The following SOX5 variants were observed in gnomAD, a reference collection of about 807,000 sequenced individuals.
SOX5 encodes the protein SRY-box transcription factor 5, also known as transcription factor SOX-5.
A neutral mutation model predicts 92.0 loss-of-function variants in SOX5; 9 were observed. The ratio of observed to expected loss-of-function variants is 0.10; its 90% CI spans 0.06 to 0.17. SOX5 has a LOEUF of 0.17. Among genes scored for constraint, SOX5 ranks in the 10% least tolerant of loss-of-function variants. The pLI is 1.00. For synonymous variants in SOX5, 344 were observed against 336.3 expected, an observed-to-expected ratio of 1.02 and a Z score of -0.25; for missense variants, 642 against 944.5, an observed-to-expected ratio of 0.68 and a Z score of 4.20.
intron 3 of SOX5, among the ~76,000 whole-genome samples, chr12:24,223,974 A>T (rs1300522633): frequency 1.3e-5 from 2 of 152,214 alleles, no homozygotes; most frequent in Non-Finnish European, 2.9e-5. Flanking sequence ...TAAAGAATTT[A>T]GAAGCGTTAT....
At chr12:23,575,492 T>C (rs1948973525) in intron 10 of SOX5, among the ~76,000 whole-genome samples, 169 bp downstream of exon 10, 2 of 152,218 alleles carry the variant, frequency 1.3e-5, no homozygotes, top group Admixed American at 1.3e-4. Flanking sequence ...TAGACTTTAG[T>C]GAGAAATTTC....
chr12:23,935,892 A>T (rs569287741), intron 1 of SOX5, among the ~76,000 whole-genome samples: 1 of 151,318 alleles, frequency 6.6e-6, no homozygotes, highest in East Asian at 1.9e-4. Context: ...TTCTAGATCA[A>T]TACTATAATG....
At chr12:24,389,648 A>G (rs1212439203) in intron 1 of SOX5, among the ~76,000 whole-genome samples, 1 of 152,194 alleles carries the variant, frequency 6.6e-6, no homozygotes, top group Non-Finnish European at 1.5e-5. Flanking sequence ...GGTTGTTTCA[A>G]TGTTTTGGCT....
intron 1 of SOX5, among the ~76,000 whole-genome samples, chr12:23,908,009 G>A (rs2138261265): frequency 6.6e-6 from 1 of 152,092 alleles, no homozygotes; most frequent in East Asian, 1.9e-4. Flanking sequence ...CCCCACTCTT[G>A]CTCTCTCCCT....
chr12:23,754,747 G>C (rs13377966), intron 4 of SOX5, among the ~76,000 whole-genome samples: 8,000 of 151,748 alleles, frequency 0.053, 727 homozygotes, highest in African/African-American at 0.18. Flanking sequence ...TTCTGTCATT[G>C]GGAAAACACT....
At chr12:24,495,263 A>G (rs1947509417) in intron 1 of SOX5, among the ~76,000 whole-genome samples, 2 of 152,212 alleles carry the variant, frequency 1.3e-5, no homozygotes, top group African/African-American at 4.8e-5. Context: ...TATGGACCAA[A>G]TATAAGTAAG....
intron 1 of SOX5, among the ~76,000 whole-genome samples, chr12:23,934,429 G>A (rs1274553125): frequency 6.7e-6 from 1 of 148,530 alleles, no homozygotes; most frequent in African/African-American, 2.5e-5. Flanking sequence ...GTGTATATAT[G>A]TATACACATT....
intron 6 of SOX5, among the ~76,000 whole-genome samples, chr12:23,715,152 A>T (rs2092391635): frequency 6.6e-6 from 1 of 152,056 alleles, no homozygotes; most frequent in South Asian, 2.1e-4. Context: ...GCAAAAAATT[A>T]GCCGGGTGCG....
At chr12:24,439,981 C>T (rs1940205652) in intron 1 of SOX5, among the ~76,000 whole-genome samples, 1 of 152,198 alleles carries the variant, frequency 6.6e-6, no homozygotes, top group Admixed American at 6.5e-5. Context: ...CTTGCATATA[C>T]TACCTGCTCA....
At chr12:23,838,138 T>C (rs1277382383) in intron 3 of SOX5, among the ~76,000 whole-genome samples, 1 of 141,922 alleles carries the variant, frequency 7.0e-6, no homozygotes, top group East Asian at 2.0e-4. Context: ...TATATTTATA[T>C]TACATATATT....
intron 3 of SOX5, among the ~76,000 whole-genome samples, chr12:23,774,795 T>C (rs1189232962): frequency 6.6e-6 from 1 of 152,202 alleles, no homozygotes; most frequent in African/African-American, 2.4e-5. Flanking sequence ...AGTACTGGAA[T>C]ATTAGTCAAG....
At chr12:23,949,746 C>G, upstream of SOX5, 1 of 974,444 alleles carries the variant, frequency 1.0e-6, no homozygotes, top group African/African-American at 2.4e-5. Flanking sequence ...CTCTCTCTCT[C>G]TCTCTCCCTC....
chr12:24,153,365 C>T (rs1197977872), intron 4 of SOX5, among the ~76,000 whole-genome samples: 2 of 152,126 alleles, frequency 1.3e-5, no homozygotes, highest in Admixed American at 1.3e-4. Flanking sequence ...GGCACACTTA[C>T]AGGAGGCTTG....
chr12:24,005,651 A>G (rs1592250669), intron 4 of SOX5, among the ~76,000 whole-genome samples: 1 of 152,244 alleles, frequency 6.6e-6, no homozygotes, highest in East Asian at 1.9e-4. Flanking sequence ...TTTCCTCATG[A>G]TATTTCTTTA....
intron 3 of SOX5, among the ~76,000 whole-genome samples, chr12:24,218,074 A>G (rs553261631): frequency 1.3e-5 from 2 of 152,328 alleles, no homozygotes; most frequent in South Asian, 4.1e-4. Flanking sequence ...TGCAATTCCT[A>G]GAAGTTTACA....
chr12:23,594,130 G>C (rs1000826724), intron 9 of SOX5, among the ~76,000 whole-genome samples: 1 of 151,976 alleles, frequency 6.6e-6, no homozygotes, highest in Non-Finnish European at 1.5e-5. Flanking sequence ...CACATAGGTG[G>C]TGACAGGTAC....
Position 24,323,864 on chromosome 12 carries a change from A to G in SOX5, c.-174+44699T>C, listed in dbSNP as rs551111067. Among the ~76,000 whole-genome samples the G allele has an allele frequency of 3.5e-4, 53 of 152,238 alleles. 1 individual carries two copies. The South Asian group carries it at 0.011, about 30-fold the overall frequency. ...TTTCAGATGGAGGAAGAGGCCAAAA[A>G]TTTACAAGGAGAGCTAGTGTCACTT... On this transcript the variant is annotated intron_variant, in intron 2 of 4. Transcript: ENST00000446891.
intron 3 of SOX5, among the ~76,000 whole-genome samples, chr12:23,821,086 CTCTCT>C (rs916008487): frequency 7.2e-5 from 11 of 152,058 alleles, no homozygotes; most frequent in Non-Finnish European, 1.6e-4. Flanking sequence ...TGTTTGTGTC[CTCTCT>C]TATTTCCTTG....
intron 1 of SOX5, among the ~76,000 whole-genome samples, chr12:24,454,001 G>T (rs1270433569): frequency 6.6e-6 from 1 of 152,000 alleles, no homozygotes; most frequent in African/African-American, 2.4e-5. Context: ...AAAACCATAG[G>T]GTAGTCAAAT....
Sources: gnomAD v4.1 joint callset for allele counts (sites outside exome capture counted in the v4.1 genomes callset) on GRCh38, gnomAD v4.1.1 for gene constraint, MANE v1.5 for transcripts, NCBI Gene and HGNC (gene_info 2026-07-23, HGNC 2026-07-21) for gene names.